Variants in RPS6KA2 observed in about 807,000 individuals in gnomAD.
RPS6KA2 encodes the protein ribosomal protein S6 kinase A2.
In RPS6KA2, 42 loss-of-function variants were observed where a neutral mutation model predicts 91.8. That is an observed-to-expected ratio of 0.46 (90% confidence interval 0.36 to 0.59). The LOEUF is 0.59. Ranked by LOEUF, RPS6KA2 falls within the 20% of genes least tolerant of loss-of-function variation. RPS6KA2 has a pLI of 0.00. For synonymous variants in RPS6KA2, 414 were observed against 393.6 expected (o/e 1.05, Z -0.61); for missense variants, 798 against 978.5 (o/e 0.82, Z 2.46).
chr6:166,630,406 C>T (rs79052905), upstream of RPS6KA2, among the ~76,000 whole-genome samples: 3,771 of 152,364 alleles, frequency 0.025, 65 homozygotes, highest in Non-Finnish European at 0.036. Flanking sequence ...TTCAATAAAA[C>T]GCTAAATTGC....
At chr6:166,718,204 C>A (rs927184389) in intron 2 of RPS6KA2, among the ~76,000 whole-genome samples, 5 of 152,136 alleles carry the variant, frequency 3.3e-5, no homozygotes, top group Non-Finnish European at 7.4e-5. Flanking sequence ...CCCTCACTTC[C>A]CCTTAAGTAG....
At chr6:166,484,535 G>A (rs1056575959) in intron 10 of RPS6KA2, among the ~76,000 whole-genome samples, 1 of 152,200 alleles carries the variant, frequency 6.6e-6, no homozygotes. Flanking sequence ...GTGAAAAAGG[G>A]GACAGAGGCA....
At chr6:166,475,382 C>T (rs921305032) in intron 10 of RPS6KA2, among the ~76,000 whole-genome samples, 1 of 152,236 alleles carries the variant, frequency 6.6e-6, no homozygotes, top group African/African-American at 2.4e-5. Flanking sequence ...ACTCACCCGT[C>T]ACCCAGGCAT....
chr6:166,672,035 T>G (rs897677038), intron 2 of RPS6KA2, among the ~76,000 whole-genome samples: 6 of 152,208 alleles, frequency 3.9e-5, no homozygotes, highest in Admixed American at 3.3e-4. Context: ...TATAGCCAAG[T>G]GCACGACCTC....
At chr6:166,805,363 T>C (rs1322901764) in intron 2 of RPS6KA2, among the ~76,000 whole-genome samples, 4 of 152,222 alleles carry the variant, frequency 2.6e-5, no homozygotes, top group Non-Finnish European at 5.9e-5. Context: ...CCCCTCATTG[T>C]TGCAAGGCCC....
At chr6:166,430,426 G>A in intron 16 of RPS6KA2, 27 bp downstream of exon 16, 3 of 1,591,880 alleles carry the variant, frequency 1.9e-6, no homozygotes, top group South Asian at 1.1e-5. Context: ...CCTCCTCCCC[G>A]AAGGCTGCCC....
chr6:166,433,221 C>T lies in RPS6KA2; in HGVS notation c.1333-731G>A, dbSNP rs904499125. Among the ~76,000 whole-genome samples, 3 of 152,184 alleles carry T rather than the reference C, an allele frequency of 2.0e-5. No individual in the cohort carries two copies. Among genetic ancestry groups the T allele is most frequent in the African/African-American group, 7.2e-5 (3 of 41,436 alleles). On this transcript the variant is annotated intron_variant, in intron 14 of 20. Coordinates refer to ENST00000265678, the MANE Select transcript of RPS6KA2 (RefSeq NM_021135.6). The surrounding 1 kb of genome is among the most constrained non-coding windows in gnomAD (Gnocchi z 4.4). ...ACAAAATGAGGTGAGGCGCATGGCT[C>T]TCACCAAGAGATGCTGGGGATGGTG...
intron 1 of RPS6KA2, among the ~76,000 whole-genome samples, chr6:166,599,749 A>C (rs1457293521): frequency 6.6e-6 from 1 of 152,248 alleles, no homozygotes; most frequent in Non-Finnish European, 1.5e-5. Context: ...GTGTTAGCCC[A>C]ATATGCGCTC....
chr6:166,722,369 G>A (rs1313040459), intron 2 of RPS6KA2, among the ~76,000 whole-genome samples: 1 of 152,226 alleles, frequency 6.6e-6, no homozygotes, highest in African/African-American at 2.4e-5. Flanking sequence ...GCAGGTGAAA[G>A]TGATGGAAAA....
intron 10 of RPS6KA2, among the ~76,000 whole-genome samples, chr6:166,474,996 C>A (rs1442042530): frequency 6.6e-6 from 1 of 152,194 alleles, no homozygotes; most frequent in African/African-American, 2.4e-5. Flanking sequence ...GAGCCCCTTT[C>A]TCACCTTTCT....
intron 1 of RPS6KA2, among the ~76,000 whole-genome samples, chr6:166,574,936 C>T (rs193031732): frequency 6.6e-6 from 1 of 151,996 alleles, no homozygotes; most frequent in Admixed American, 6.5e-5. Flanking sequence ...GAAGAGCTAC[C>T]AAGGATCTAC....
intron 8 of RPS6KA2, among the ~76,000 whole-genome samples, chr6:166,497,503 A>G (rs758326949): frequency 1.3e-5 from 2 of 152,164 alleles, no homozygotes; most frequent in Non-Finnish European, 2.9e-5. Flanking sequence ...CCCCTCGCGG[A>G]GAGGTGAGCA....
chr6:166,428,309 T>C (rs908417914), intron 16 of RPS6KA2, among the ~76,000 whole-genome samples: 1 of 148,566 alleles, frequency 6.7e-6, no homozygotes, highest in Non-Finnish European at 1.5e-5. Context: ...TAATTCAAGA[T>C]GGATTAAAGA....
intron 2 of RPS6KA2, among the ~76,000 whole-genome samples, chr6:166,691,134 T>C (rs1232085536): frequency 4.6e-5 from 7 of 152,146 alleles, no homozygotes; most frequent in Admixed American, 4.6e-4. Context: ...CGCTCTGTCA[T>C]AATGTTGCTT....
intron 11 of RPS6KA2, chr6:166,463,399 T>C (rs1481344839): frequency 6.6e-6 from 1 of 152,176 alleles, no homozygotes; most frequent in African/African-American, 2.4e-5. Flanking sequence ...GGACAATTCA[T>C]GCCGAAACCG....
chr6:166,793,299 A>T (rs1779143142), intron 2 of RPS6KA2, among the ~76,000 whole-genome samples: 1 of 143,506 alleles, frequency 7.0e-6, no homozygotes. Context: ...CTTACAAGGG[A>T]TGTGAAGGAC....
In RPS6KA2 at chr6:166,531,141, A is replaced by G. The variant is rs974252959; in HGVS notation, c.298+91T>C. Reference sequence around the variant, plus strand: ...TTTAGAGACATTTTCAGAAATCGTGAACATTAAATGGAATGAATATTTCCT... The same window carrying G: ...TTTAGAGACATTTTCAGAAATCGTGGACATTAAATGGAATGAATATTTCCT... On this transcript the variant is annotated intron_variant, in intron 3 of 20. Transcript: ENST00000265678. The G allele has an allele frequency of 8.0e-6, 7 of 871,486 alleles. 1 individual carries two copies. In the South Asian group the frequency reaches 9.5e-5, roughly 12 times the overall value. The allele number at this position is 871,486 out of a possible 1,614,324, so 54.0% of individuals were successfully genotyped here. A position where few individuals can be genotyped will look rare whatever the true frequency, so the allele number is the denominator to read the frequency against.
chr6:166,421,969 G>A lies in RPS6KA2; in HGVS notation c.1743+1287C>T, dbSNP rs999260963. The stretch of plus-strand genomic sequence containing the variant: ...GGCTGGAGTGCAGTGGCGTGATCTC[G>A]GCTCACTGCAACCTCCACTTCCCGG... On this transcript the variant is annotated intron_variant, in intron 17 of 20. Coordinates refer to ENST00000265678, the MANE Select transcript of RPS6KA2 (RefSeq NM_021135.6). Among the ~76,000 whole-genome samples the A allele has an allele frequency of 1.3e-4, 20 of 151,966 alleles. 1 individual carries two copies. The highest frequency in any genetic ancestry group is 4.8e-4 in the African/African-American group (20 of 41,358).
intron 2 of RPS6KA2, among the ~76,000 whole-genome samples, chr6:166,721,924 T>G (rs1790187513): frequency 6.6e-6 from 1 of 152,208 alleles, no homozygotes; most frequent in East Asian, 1.9e-4. Flanking sequence ...TCATGCTTCC[T>G]CGCCGGCAGG....
Sources: gnomAD v4.1 joint callset for allele counts (sites outside exome capture counted in the v4.1 genomes callset) on GRCh38, gnomAD v4.1.1 for gene constraint, Gnocchi (gnomAD v3.1) non-coding constraint, MANE v1.5 for transcripts, NCBI Gene and HGNC (gene_info 2026-07-23, HGNC 2026-07-21) for gene names.